The following IRAG2 variants were observed in gnomAD, a reference collection of about 807,000 sequenced individuals.
IRAG2 encodes the protein inositol 1,4,5-triphosphate receptor associated 2.
IRAG2 carries 45 observed loss-of-function variants against 69.9 expected under a neutral mutation model. The observed-to-expected ratio is 0.64, with a 90% CI of 0.51 to 0.83. The LOEUF is 0.83. Among genes scored for constraint, IRAG2 ranks in the 40% least tolerant of loss-of-function variants. The pLI, the probability that IRAG2 is intolerant of heterozygous loss-of-function variation, is 0.00. For synonymous variants in IRAG2, 193 were observed against 202.4 expected (o/e 0.95, Z 0.40); for missense variants, 520 against 587.0 (o/e 0.89, Z 1.18).
At chr12:25,060,453 T>C (rs1945545777) in intron 1 of IRAG2, among the ~76,000 whole-genome samples, 1 of 152,054 alleles carries the variant, frequency 6.6e-6, no homozygotes, top group Non-Finnish European at 1.5e-5. Flanking sequence ...AATGATACCC[T>C]GAGTTAAGCT....
intron 15 of IRAG2, among the ~76,000 whole-genome samples, chr12:25,037,100 A>T (rs1944708287): frequency 6.6e-6 from 1 of 152,152 alleles, no homozygotes; most frequent in South Asian, 2.1e-4. Context: ...CATTGGAAAA[A>T]CAGGAACTTC....
intron 13 of IRAG2, among the ~76,000 whole-genome samples, chr12:25,034,854 T>C (rs185901918): frequency 6.6e-6 from 1 of 152,348 alleles, no homozygotes; most frequent in African/African-American, 2.4e-5. Flanking sequence ...CCGGCAGCCC[T>C]GGACATTCTG....
upstream of IRAG2, among the ~76,000 whole-genome samples, chr12:25,050,548 C>A (rs113355702): frequency 0.57 from 41,349 of 72,392 alleles, 12,605 homozygotes; most frequent in South Asian, 0.76. Flanking sequence ...AACAAACAAA[C>A]AAACAAAAAA....
intron 12 of IRAG2, among the ~76,000 whole-genome samples, chr12:25,032,731 A>G (rs944447437): frequency 2.0e-5 from 3 of 152,208 alleles, no homozygotes; most frequent in Non-Finnish European, 4.4e-5. Flanking sequence ...GAGGAAAAGC[A>G]GTTAGCTAAC....
At chr12:25,008,437 A>T (rs1284182030) in intron 2 of IRAG2, among the ~76,000 whole-genome samples, 1 of 152,102 alleles carries the variant, frequency 6.6e-6, no homozygotes, top group Non-Finnish European at 1.5e-5. Context: ...CCATGTCTCC[A>T]CTAAAAATAG....
At chr12:25,101,705 C>T (rs574807611) in intron 16 of IRAG2, among the ~76,000 whole-genome samples, 16 of 152,220 alleles carry the variant, frequency 1.1e-4, no homozygotes, top group East Asian at 3.9e-4. Context: ...TGATTCCTCA[C>T]GGAAGGAATG....
chr12:25,011,350 T>G (rs948003961), exon 3 of IRAG2: 2 of 1,231,636 alleles, frequency 1.6e-6, no homozygotes. Flanking sequence ...TCAGAACTGA[T>G]CTGCTCTTCT....
intron 1 of IRAG2, among the ~76,000 whole-genome samples, chr12:25,053,824 A>C (rs1239221264): frequency 6.6e-6 from 1 of 151,270 alleles, no homozygotes; most frequent in Non-Finnish European, 1.5e-5. Context: ...TATAAGCTTA[A>C]GGTAGGCTAG....
intron 10 of IRAG2, 33 bp from the exon 11 acceptor site, chr12:25,088,067 T>C: frequency 1.3e-6 from 2 of 1,491,452 alleles, no homozygotes; most frequent in Non-Finnish European, 9.4e-7. Flanking sequence ...GTATTTCCAC[T>C]CTATGTACAG....
At chr12:25,015,487 A>T in intron 5 of IRAG2, 1 of 1,051,906 alleles carries the variant, frequency 9.5e-7, no homozygotes, top group South Asian at 4.9e-5. Context: ...TGTTTATTTC[A>T]TAAATCTACG....
chr12:25,001,770 GTTT>G (rs71063385), upstream of IRAG2, among the ~76,000 whole-genome samples: 3 of 135,982 alleles, frequency 2.2e-5, no homozygotes, highest in Non-Finnish European at 3.2e-5. Flanking sequence ...TACTCTTTTG[GTTT>G]TTTTTTTTTT....
chr12:25,049,672 A>G (rs1944824766), upstream of IRAG2, among the ~76,000 whole-genome samples: 1 of 152,206 alleles, frequency 6.6e-6, no homozygotes, highest in Non-Finnish European at 1.5e-5. Context: ...ATATTGTATC[A>G]TACCTGTTAG....
chr12:25,101,752 T>C (rs755767393), intron 16 of IRAG2, among the ~76,000 whole-genome samples: 6 of 152,282 alleles, frequency 3.9e-5, no homozygotes, highest in South Asian at 2.1e-4. Context: ...AACTGGAAAA[T>C]AGAGAAACAT....
At chr12:25,014,157 G>T (rs1211743001) in intron 3 of IRAG2, among the ~76,000 whole-genome samples, 1 of 151,776 alleles carries the variant, frequency 6.6e-6, no homozygotes, top group Non-Finnish European at 1.5e-5. Flanking sequence ...TTACAGGCGT[G>T]AGCCACCAGG....
chr12:25,046,707 G>A (rs560268125), intron 16 of IRAG2, among the ~76,000 whole-genome samples: 2 of 152,102 alleles, frequency 1.3e-5, no homozygotes, highest in African/African-American at 2.4e-5. Context: ...GGCATCCTAC[G>A]TTCATAGATT....
intron 16 of IRAG2, among the ~76,000 whole-genome samples, chr12:25,041,535 G>A (rs1303343647): frequency 6.6e-6 from 1 of 151,740 alleles, no homozygotes; most frequent in Non-Finnish European, 1.5e-5. Context: ...AGACTGGAGA[G>A]CAGTGGCACG....
intron 1 of IRAG2, among the ~76,000 whole-genome samples, chr12:25,058,420 T>C (rs1006395569): frequency 1.3e-5 from 2 of 152,244 alleles, no homozygotes; most frequent in Admixed American, 6.5e-5. Context: ...ATTTTAAAAT[T>C]AAGTTTTCTG....
intron 16 of IRAG2, among the ~76,000 whole-genome samples, chr12:25,043,783 T>C (rs1591936342): frequency 6.6e-6 from 1 of 152,140 alleles, no homozygotes; most frequent in East Asian, 1.9e-4. Flanking sequence ...CTGGGAGAGT[T>C]GGCTATTTTT....
chr12:25,070,926 C>T (rs574853035), intron 6 of IRAG2, among the ~76,000 whole-genome samples: 1 of 152,120 alleles, frequency 6.6e-6, no homozygotes, highest in Non-Finnish European at 1.5e-5. Context: ...ATTTGTATAA[C>T]TTCTTTGGAG....
Sources: gnomAD v4.1 joint callset for allele counts (sites outside exome capture counted in the v4.1 genomes callset) on GRCh38, gnomAD v4.1.1 for gene constraint, MANE v1.5 for transcripts, NCBI Gene and HGNC (gene_info 2026-07-23, HGNC 2026-07-21) for gene names.